Variants in CAMTA1 observed in about 807,000 individuals in gnomAD.
CAMTA1 encodes calmodulin binding transcription activator 1.
A neutral mutation model predicts 170.9 loss-of-function variants in CAMTA1; 27 were observed. The ratio of observed to expected loss-of-function variants is 0.16; its 90% CI spans 0.12 to 0.22. CAMTA1 has a LOEUF of 0.22. Among genes scored for constraint, CAMTA1 ranks in the 10% least tolerant of loss-of-function variants. The pLI is 1.00. For synonymous variants in CAMTA1, 833 were observed against 891.5 expected (o/e 0.93, Z 1.17); for missense variants, 1,619 against 2,217.2 (o/e 0.73, Z 5.42).
intron 11 of CAMTA1, among the ~76,000 whole-genome samples, chr1:7,707,806 G>A (rs760849514): frequency 2.0e-5 from 3 of 152,330 alleles, no homozygotes; most frequent in Non-Finnish European, 2.9e-5. Flanking sequence ...GGATGTTGGC[G>A]TTCATAGTCA....
intron 4 of CAMTA1, among the ~76,000 whole-genome samples, chr1:7,150,729 G>A (rs1043459826): frequency 2.6e-5 from 4 of 152,078 alleles, no homozygotes; most frequent in Non-Finnish European, 4.4e-5. Flanking sequence ...GCAGAAGGAC[G>A]CGCAGGACGT....
chr1:7,733,571 T>C (rs2096749607), intron 12 of CAMTA1, among the ~76,000 whole-genome samples: 1 of 152,270 alleles, frequency 6.6e-6, no homozygotes, highest in Non-Finnish European at 1.5e-5. Context: ...AGGAAGTTCA[T>C]TTTTGGGAAG....
intron 3 of CAMTA1, among the ~76,000 whole-genome samples, chr1:7,086,267 G>A (rs1193899901): frequency 6.6e-6 from 1 of 152,046 alleles, no homozygotes; most frequent in Non-Finnish European, 1.5e-5. Flanking sequence ...GATCCGGGAG[G>A]AGGAGGAAGC....
intron 11 of CAMTA1, among the ~76,000 whole-genome samples, chr1:7,712,809 C>G (rs1441059942): frequency 6.7e-6 from 1 of 150,246 alleles, no homozygotes; most frequent in Admixed American, 6.7e-5. Flanking sequence ...GGTGGCCTCA[C>G]AATCATGGCA....
At chr1:6,915,081 T>A (rs1327034917) in intron 3 of CAMTA1, among the ~76,000 whole-genome samples, 1 of 152,206 alleles carries the variant, frequency 6.6e-6, no homozygotes, top group African/African-American at 2.4e-5. Context: ...TCAGGCTTAA[T>A]TAAGCCTTCT....
At chr1:7,591,693 C>T (rs1237418815) in intron 6 of CAMTA1, among the ~76,000 whole-genome samples, 1 of 152,180 alleles carries the variant, frequency 6.6e-6, no homozygotes, top group African/African-American at 2.4e-5. Flanking sequence ...CCAGAATGCG[C>T]CCTGCACTGT....
intron 3 of CAMTA1, among the ~76,000 whole-genome samples, chr1:6,960,275 C>T (rs576697752): frequency 2.2e-4 from 34 of 152,214 alleles, no homozygotes; most frequent in African/African-American, 6.7e-4. Flanking sequence ...AGCAGTTAAA[C>T]GAGACGTGAG....
intron 5 of CAMTA1, among the ~76,000 whole-genome samples, chr1:7,387,515 C>T (rs1418103823): frequency 6.6e-6 from 1 of 152,228 alleles, no homozygotes; most frequent in African/African-American, 2.4e-5. Flanking sequence ...AGGGTCCCAG[C>T]TGCCCTAGAC....
intron 3 of CAMTA1, among the ~76,000 whole-genome samples, chr1:7,045,709 A>G (rs1488088227): frequency 1.3e-5 from 2 of 152,212 alleles, no homozygotes; most frequent in African/African-American, 2.4e-5. Context: ...TTAAGCCCAA[A>G]TAACACCACA....
rs1199682857 is a variant in CAMTA1 at position 7,665,764 on chromosome 1, C to G, written c.2652+565C>G. Among the ~76,000 whole-genome samples, 3 of 152,062 alleles carry G rather than the reference C, an allele frequency of 2.0e-5. No homozygotes were observed. Among genetic ancestry groups the G allele is most frequent in the Admixed American group, 6.5e-5 (1 of 15,270 alleles). On this transcript the variant is annotated intron_variant, in intron 9 of 22. Transcript: ENST00000303635. This position sits in a 1 kb window ranked among gnomAD's most constrained non-coding sequence, Gnocchi z 4.3. ...TATCCTTGGAAGCAAAATGCTCCCC[C>G]AGCTCCAGCCAGAGTCGTCTGCCGT...
intron 6 of CAMTA1, among the ~76,000 whole-genome samples, chr1:7,542,229 CTGTT>C (rs1310490600): frequency 5.9e-5 from 9 of 152,016 alleles, no homozygotes; most frequent in Non-Finnish European, 1.3e-4. Flanking sequence ...AAAATAACCT[CTGTT>C]TACATTTTGT....
At chr1:7,480,880 A>G (rs2093520260) in intron 6 of CAMTA1, among the ~76,000 whole-genome samples, 1 of 152,048 alleles carries the variant, frequency 6.6e-6, no homozygotes, top group Non-Finnish European at 1.5e-5. Flanking sequence ...ACCCGACTCA[A>G]CATCCTCTCT....
At chr1:6,890,311 A>G (rs1674233021) in intron 3 of CAMTA1, among the ~76,000 whole-genome samples, 1 of 152,202 alleles carries the variant, frequency 6.6e-6, no homozygotes, top group Non-Finnish European at 1.5e-5. Flanking sequence ...TGATATAAGA[A>G]GGGATTACCA....
chr1:7,278,360 G>A (rs551981178), intron 5 of CAMTA1, among the ~76,000 whole-genome samples: 5 of 152,284 alleles, frequency 3.3e-5, no homozygotes, highest in Non-Finnish European at 5.9e-5. Flanking sequence ...TCTAGCTCAT[G>A]GAGGGGAACT....
intron 4 of CAMTA1, among the ~76,000 whole-genome samples, chr1:7,140,776 T>C (rs1645843686): frequency 6.6e-6 from 1 of 152,184 alleles, no homozygotes. Flanking sequence ...TAGAATCTAG[T>C]GGGTAGGCAG....
chr1:7,521,868 T>C (rs1406520407), intron 6 of CAMTA1, among the ~76,000 whole-genome samples: 2 of 152,216 alleles, frequency 1.3e-5, no homozygotes, highest in African/African-American at 4.8e-5. Flanking sequence ...CCTTTTTATT[T>C]CTGAGGAGTT....
chr1:7,727,644 G>A (rs2096700431), intron 11 of CAMTA1, among the ~76,000 whole-genome samples: 1 of 152,214 alleles, frequency 6.6e-6, no homozygotes, highest in African/African-American at 2.4e-5. Context: ...TTGCTTCTAA[G>A]TAATTGTATT....
chr1:7,122,142 C>T lies in CAMTA1; in HGVS notation c.302+30771C>T, dbSNP rs530232617. Among the ~76,000 whole-genome samples the T allele has an allele frequency of 2.6e-5, 4 of 152,142 alleles. No individual in the cohort carries two copies. The East Asian group carries it at 5.8e-4, about 22-fold the overall frequency. On this transcript the variant is annotated intron_variant, in intron 4 of 22. Transcript: ENST00000303635. ...CTGGTGGTACTGTGCACGCTCCTCTCGCCCTCCCTGTCCCTAAACAGGACT... is the reference window on the plus strand; with the variant it reads ...CTGGTGGTACTGTGCACGCTCCTCTTGCCCTCCCTGTCCCTAAACAGGACT...
rs1279362460 is a variant in CAMTA1, at chr1:7,482,059, G to A, written c.510+14158G>A. Among the ~76,000 whole-genome samples the A allele has an allele frequency of 6.6e-6, 1 of 152,070 alleles. No individual in the cohort carries two copies. On this transcript the variant is annotated intron_variant, in intron 6 of 22. Transcript: ENST00000303635. This position sits in a 1 kb window ranked among gnomAD's most constrained non-coding sequence, Gnocchi z 4.2. The stretch of plus-strand genomic sequence containing the variant: ...TTCATTTTTTCTGTTCTAGAACTTC[G>A]TAGAACTGGAATCCTGCAGTATATG...
Sources: allele counts gnomAD v4.1 joint callset (sites outside exome capture counted in the v4.1 genomes callset), GRCh38; gene constraint gnomAD v4.1.1; non-coding constraint Gnocchi (gnomAD v3.1); transcripts MANE v1.5; gene names NCBI Gene and HGNC (gene_info 2026-07-23, HGNC 2026-07-21).